NOL8: variants seen among roughly 807,000 people sequenced by gnomAD.
The protein encoded by NOL8 is nucleolar protein Nop132.
Under a neutral mutation model 116.1 loss-of-function variants are expected in NOL8, and 93 were observed. That is an observed-to-expected ratio of 0.80 (90% confidence interval 0.68 to 0.95). The LOEUF is 0.95. Ranked by LOEUF, NOL8 falls within the 40% of genes least tolerant of loss-of-function variation. The pLI is 0.00. For missense variants in NOL8, 1,291 were observed against 1,382.8 expected, an observed-to-expected ratio of 0.93 and a Z score of 1.05; for synonymous variants, 419 against 469.0, an observed-to-expected ratio of 0.89 and a Z score of 1.38.
At chr9:92,301,911 C>T (rs1443368927) in intron 12 of NOL8, 89 bp from the exon 13 acceptor site, 3 of 1,087,128 alleles carry the variant, frequency 2.8e-6, no homozygotes, top group African/African-American at 3.3e-5. Flanking sequence ...TCTTGGACAA[C>T]TTTAATTCTA....
rs971894969 is a variant in NOL8 at position 92,318,907 on chromosome 9, G to C, written c.418-221C>G. ...TATCAATCCCAAGTAAACCGTGTAAGATGGTTTACAAAAAACACTGGCTGC... is the reference window on the plus strand; with the variant it reads ...TATCAATCCCAAGTAAACCGTGTAACATGGTTTACAAAAAACACTGGCTGC... On this transcript the variant is annotated intron_variant, in intron 5 of 16. Transcript: ENST00000442668. 4.0e-5 allele frequency: 21 copies of C among 527,738 alleles called. No individual in the cohort carries two copies. The South Asian group carries it at 6.1e-4, about 15-fold the overall frequency. The allele number at this position is 527,738 out of a possible 1,614,324, so 32.7% of individuals were successfully genotyped here. A position where few individuals can be genotyped will look rare whatever the true frequency, so the allele number is the denominator to read the frequency against.
In NOL8 at chr9:92,297,644, G is replaced by T; in HGVS notation, c.*192C>A. 1 of 550,028 alleles carries T rather than the reference G, an allele frequency of 1.8e-6. No homozygotes were observed. Among genetic ancestry groups the T allele is most frequent in the East Asian group, 3.1e-5 (1 of 32,468 alleles). 34.1% of individuals were successfully genotyped at this position (550,028 alleles called of 1,614,324 possible). Reference sequence around the variant, plus strand: ...TTATAAGAAGTTGAATTTAATTTTTGAAGTAATTACTTAGGAAGAAATGCA... The same window carrying T: ...TTATAAGAAGTTGAATTTAATTTTTTAAGTAATTACTTAGGAAGAAATGCA... On this transcript the variant is annotated 3_prime_UTR_variant, in exon 17 of 17. Coordinates refer to ENST00000442668, the MANE Select transcript of NOL8 (RefSeq NM_017948.6).
rs767384583 is a variant in NOL8, at chr9:92,314,973, CCTT to C, written c.1649_1651del (p.Glu550del). 26 of 1,614,000 alleles carry C rather than the reference CCTT, an allele frequency of 1.6e-5. No homozygotes were observed. Among genetic ancestry groups the C allele is most frequent in the Non-Finnish European group, 1.9e-5 (23 of 1,179,888 alleles). On this transcript the variant is annotated inframe_deletion, in exon 7 of 17. Transcript: ENST00000442668. ...CTGTTTGCCACAGGTGTTCTCCTCT[CCTT>C]CTAACAGGGAAGCCACAATCTCCGC...
Position 92,314,494 on chromosome 9 carries a change from G to A in NOL8, c.2131C>T (p.Arg711Trp), listed in dbSNP as rs1424455097. ...TTKTEASQEE[R>W]SDSSGLTSLK... ...GATGTGAGGCCGCTTGAATCAGACC[G>A]CTCTTCCTGTGAAGCTTCTGTCTTT... Residue 711 changes from arginine (R) to tryptophan (W), a missense_variant, in exon 7 of 17, where the codon CGG (arginine) becomes TGG (tryptophan). Transcript: ENST00000442668. 6.2e-7 allele frequency: 1 copy of A among 1,613,406 alleles called. No homozygotes were observed. Among genetic ancestry groups the A allele is most frequent in the East Asian group, 2.2e-5 (1 of 44,858 alleles).
rs745946212 is a variant in NOL8 at position 92,315,073 on chromosome 9, T to G, written c.1552A>C (p.Lys518Gln). 2.5e-6 allele frequency: 4 copies of G among 1,613,870 alleles called. No individual in the cohort carries two copies. In the Admixed American group the frequency reaches 6.7e-5, roughly 27 times the overall value. ...SDGPETTTQCKFDRGSKSPKT... is the reference protein window; with the variant it reads ...SDGPETTTQCQFDRGSKSPKT... Reference sequence around the variant, plus strand: ...GGGCTCTTGGAGCCTCTGTCAAACTTGCATTGGGTGGTGGTTTCTGGTCCA... The same window carrying G: ...GGGCTCTTGGAGCCTCTGTCAAACTGGCATTGGGTGGTGGTTTCTGGTCCA... The change falls in exon 7 of 17, where the codon AAG becomes CAG. Residue 518 changes from lysine to glutamine, a missense_variant. Coordinates refer to ENST00000442668, the MANE Select transcript of NOL8 (RefSeq NM_017948.6).
At chr9:92,317,462 G>A (rs1839515199) in intron 6 of NOL8, among the ~76,000 whole-genome samples, 1 of 152,188 alleles carries the variant, frequency 6.6e-6, no homozygotes, top group African/African-American at 2.4e-5. Flanking sequence ...CTTGTAGGGA[G>A]GGCAGAGGTC....
intron 5 of NOL8, 93 bp downstream of exon 5, chr9:92,319,128 T>C (rs1450405765): frequency 7.4e-7 from 1 of 1,345,504 alleles, no homozygotes; most frequent in African/African-American, 1.5e-5. Flanking sequence ...GGGAAAAGAG[T>C]AACTGGTTTT....
In NOL8 at chr9:92,315,012, C is replaced by T. The variant is rs1839238511; in HGVS notation, c.1613G>A (p.Cys538Tyr). ...AGCCACAATCTCCGCAGGACGAATA[C>T]ACTGTCGGCCTCTGCGGAGGCCAGT... is the stretch of plus-strand genomic sequence containing the variant. Reference protein sequence around the residue: ...TPTGLRRGRQCIRPAEIVASL... With the variant: ...TPTGLRRGRQYIRPAEIVASL... Residue 538 changes from cysteine to tyrosine, a missense_variant, in exon 7 of 17, where the codon TGT becomes TAT. Coordinates refer to ENST00000442668, the MANE Select transcript of NOL8 (RefSeq NM_017948.6). 1 of 1,614,034 alleles carries T rather than the reference C, an allele frequency of 6.2e-7. No individual in the cohort carries two copies. The highest frequency in any genetic ancestry group is 8.5e-7 in the Non-Finnish European group (1 of 1,179,880).
chr9:92,300,756 G>T, intron 13 of NOL8: 1 of 1,190,794 alleles, frequency 8.4e-7, no homozygotes, highest in South Asian at 1.6e-5. Flanking sequence ...GGTATTATCT[G>T]CTAGTGAACC....
Position 92,325,311 on chromosome 9 carries a change from C to A in NOL8, c.-54G>T, listed in dbSNP as rs1279747244. On this transcript the variant is annotated 5_prime_UTR_variant, in exon 1 of 17. Transcript: ENST00000442668. Reference sequence around the variant, plus strand: ...GCCCGAAACCCACTCCTCACCACGTCGTTCACCTAAAGCCAGCGCCGCTGC... The same window carrying A: ...GCCCGAAACCCACTCCTCACCACGTAGTTCACCTAAAGCCAGCGCCGCTGC... 1.3e-5 allele frequency: 2 copies of A among 152,404 alleles called. No homozygotes were observed. Among genetic ancestry groups the A allele is most frequent in the Non-Finnish European group, 2.9e-5 (2 of 68,196 alleles). 9.4% of individuals were successfully genotyped at this position (152,404 alleles called of 1,614,324 possible). A position where few individuals can be genotyped will look rare whatever the true frequency, so the allele number is the denominator to read the frequency against.
In NOL8 at chr9:92,315,227, A is replaced by G; in HGVS notation, c.1398T>C (p.Ala466=). The G allele has an allele frequency of 6.2e-7, 1 of 1,614,012 alleles. No homozygotes were observed. The highest frequency in any genetic ancestry group is 8.5e-7 in the Non-Finnish European group (1 of 1,179,870). The change falls in exon 7 of 17, where the codon GCT becomes GCC. Residue 466 remains alanine, a synonymous_variant. Transcript: ENST00000442668. ...TATACTCCTCACCTCCTTCAGAGTC[A>G]GCTAATTCTGATGCAGAATCAGCAT... The part of the protein sequence containing the change: ...SEDADSASEL[A]DSEGGEEYNA...
rs745928872 is a variant in NOL8, at chr9:92,318,033, C to CAAAA, written c.486+581_486+584dup. Among the ~76,000 whole-genome samples, 213 of 34,600 alleles carry CAAAA rather than the reference C, an allele frequency of 6.2e-3. 8 individuals carry two copies. Among genetic ancestry groups the CAAAA allele is most frequent in the African/African-American group, 0.016 (138 of 8,644 alleles). 22.7% of individuals were successfully genotyped at this position (34,600 alleles called of 152,430 possible). A position where few individuals can be genotyped will look rare whatever the true frequency, so the allele number is the denominator to read the frequency against. On this transcript the variant is annotated intron_variant, in intron 6 of 16. Coordinates refer to ENST00000442668, the MANE Select transcript of NOL8 (RefSeq NM_017948.6). Reference sequence around the variant, plus strand: ...CTGGGGACAGAGCAAGACTCCATCTCAAAAAAAAAAAAAAAAAAAAAAAAA... The same window carrying CAAAA: ...CTGGGGACAGAGCAAGACTCCATCTCAAAAAAAAAAAAAAAAAAAAAAAAAAAAA...
At chr9:92,312,243 T>C (rs1838860074) in intron 7 of NOL8, among the ~76,000 whole-genome samples, 1 of 151,662 alleles carries the variant, frequency 6.6e-6, no homozygotes, top group Non-Finnish European at 1.5e-5. Context: ...TTGCTTGAGC[T>C]TAGGAGTTCA....
rs1838706795 is a variant in NOL8 at position 92,310,795 on chromosome 9, TA to T, written c.2473-121del. On this transcript the variant is annotated intron_variant, in intron 8 of 16. Transcript: ENST00000442668. Reference sequence around the variant, plus strand: ...CCCAGACTCATCTACCAGGAATGAGTAAATGGCAGGTCAGGTGGAAATTCCT... The same window carrying T: ...CCCAGACTCATCTACCAGGAATGAGTAATGGCAGGTCAGGTGGAAATTCCT... 5 of 1,078,544 alleles carry T rather than the reference TA, an allele frequency of 4.6e-6. No homozygotes were observed. In the South Asian group the frequency reaches 6.8e-5, roughly 15 times the overall value. The allele number at this position is 1,078,544 out of a possible 1,614,324, so 66.8% of individuals were successfully genotyped here. A position where few individuals can be genotyped will look rare whatever the true frequency, so the allele number is the denominator to read the frequency against.
chr9:92,308,552 C>T (rs1338144123), intron 10 of NOL8, among the ~76,000 whole-genome samples: 1 of 152,074 alleles, frequency 6.6e-6, no homozygotes, highest in African/African-American at 2.4e-5. Context: ...CTCAGCAGAA[C>T]AGCAAGGAAG....
At chr9:92,306,721 TTGAAG>T (rs1450606938) in intron 11 of NOL8, among the ~76,000 whole-genome samples, 160 bp downstream of exon 11, 1 of 152,234 alleles carries the variant, frequency 6.6e-6, no homozygotes, top group African/African-American at 2.4e-5. Context: ...GATTAGTTCC[TTGAAG>T]TGAATCACTG....
At chr9:92,299,787 C>T in intron 14 of NOL8, 103 bp downstream of exon 14, 2 of 1,192,004 alleles carry the variant, frequency 1.7e-6, no homozygotes, top group Non-Finnish European at 1.2e-6. Flanking sequence ...GAAGCTAAGA[C>T]AATTTAGTTG....
intron 5 of NOL8, 96 bp from the exon 6 acceptor site, chr9:92,318,782 C>T (rs1302364286): frequency 4.1e-6 from 3 of 729,378 alleles, no homozygotes; most frequent in Non-Finnish European, 6.5e-6. Flanking sequence ...AATCAGTGGG[C>T]TATGATTACT....
At chr9:92,317,126 C>A (rs1160535769) in intron 6 of NOL8, among the ~76,000 whole-genome samples, 2 of 152,026 alleles carry the variant, frequency 1.3e-5, no homozygotes, top group African/African-American at 4.8e-5. Context: ...CCTGATTTTT[C>A]TTTTATTAAT....
Sources: gnomAD v4.1 joint callset for allele counts (sites outside exome capture counted in the v4.1 genomes callset) on GRCh38, gnomAD v4.1.1 for gene constraint, MANE v1.5 for transcripts, NCBI Gene and HGNC (gene_info 2026-07-23, HGNC 2026-07-21) for gene names.